Variants in RBM33 observed in about 807,000 individuals in gnomAD.
RBM33 encodes the protein RNA binding motif protein 33, also known as RNA-binding protein 33.
In RBM33, 28 loss-of-function variants were observed where a neutral mutation model predicts 132.6. That is an observed-to-expected ratio of 0.21 (90% CI 0.16 to 0.29). RBM33 has a LOEUF of 0.29. Ranked by LOEUF, RBM33 falls within the 10% of genes least tolerant of loss-of-function variation. The pLI is 1.00. For missense variants in RBM33, 1,291 were observed against 1,518.5 expected (o/e 0.85, Z 2.49); for synonymous variants, 634 against 593.0 (o/e 1.07, Z -1.01).
intron 5 of RBM33, among the ~76,000 whole-genome samples, chr7:155,683,907 G>T (rs755739146): frequency 6.6e-6 from 1 of 152,188 alleles, no homozygotes; most frequent in Non-Finnish European, 1.5e-5. Flanking sequence ...GAATCCAGGG[G>T]TGTGGACTGT....
intron 4 of RBM33, among the ~76,000 whole-genome samples, chr7:155,679,773 T>C (rs1799287235): frequency 6.6e-6 from 1 of 152,220 alleles, no homozygotes; most frequent in African/African-American, 2.4e-5. Flanking sequence ...AAATACATCA[T>C]TGAAGTTTTT....
In RBM33 at chr7:155,764,001, A is replaced by G. The variant is rs375649945; in HGVS notation, c.3169A>G (p.Ile1057Val). 35 of 1,554,696 alleles carry G rather than the reference A, an allele frequency of 2.3e-5. No individual in the cohort carries two copies. The highest frequency in any genetic ancestry group is 3.0e-5 in the Non-Finnish European group (35 of 1,150,112). The change falls in exon 15 of 18, where the codon ATT (isoleucine) becomes GTT (valine). Residue 1057 changes from isoleucine to valine, a missense_variant. Transcript: ENST00000401878. ...VPPGIKSIQGIHPAKKAIMHG... is the reference protein window; with the variant it reads ...VPPGIKSIQGVHPAKKAIMHG... ...TCCAGGGATCAAAAGCATCCAAGGAATTCACCCGGCGAAGAAGGTACTGCT... is the reference window on the plus strand; with the variant it reads ...TCCAGGGATCAAAAGCATCCAAGGAGTTCACCCGGCGAAGAAGGTACTGCT...
chr7:155,761,951 T>G (rs1802050348), intron 14 of RBM33, among the ~76,000 whole-genome samples: 1 of 152,232 alleles, frequency 6.6e-6, no homozygotes, highest in Non-Finnish European at 1.5e-5. Flanking sequence ...TATTTTTGTT[T>G]CCATTCAGTT....
chr7:155,699,630 G>C (rs976480086), intron 5 of RBM33, among the ~76,000 whole-genome samples: 5 of 152,156 alleles, frequency 3.3e-5, no homozygotes, highest in Non-Finnish European at 7.4e-5. Flanking sequence ...CAGGCTTAAG[G>C]TGAAAGTTGT....
At chr7:155,758,521 C>T (rs933742897) in intron 14 of RBM33, among the ~76,000 whole-genome samples, 1 of 152,184 alleles carries the variant, frequency 6.6e-6, no homozygotes, top group African/African-American at 2.4e-5. Flanking sequence ...CGACAGGAGG[C>T]GGAGCTTAGG....
Position 155,766,513 on chromosome 7 carries a change from G to C in RBM33, c.3233G>C (p.Arg1078Pro). The C allele has an allele frequency of 6.2e-7, 1 of 1,613,318 alleles. No homozygotes were observed. ...RGRGVAGPMG[R>P]GRLMPNKQNL... is the part of the protein sequence containing the mutation. Reference sequence around the variant, plus strand: ...AGAGGAGTGGCCGGTCCCATGGGCCGGGGGCGCCTGATGCCAAACAAGCAG... The same window carrying C: ...AGAGGAGTGGCCGGTCCCATGGGCCCGGGGCGCCTGATGCCAAACAAGCAG... The change falls in exon 16 of 18, where the codon CGG becomes CCG. Residue 1078 changes from arginine to proline, a missense_variant. Coordinates refer to ENST00000401878, the MANE Select transcript of RBM33 (RefSeq NM_053043.3).
intron 1 of RBM33, among the ~76,000 whole-genome samples, chr7:155,646,372 A>G (rs1798193621): frequency 6.6e-6 from 1 of 152,170 alleles, no homozygotes; most frequent in South Asian, 2.1e-4. Context: ...AAGTTTTGAG[A>G]ATTGCTATTT....
chr7:155,731,250 T>C (rs4361653), intron 9 of RBM33, among the ~76,000 whole-genome samples: 36,947 of 152,094 alleles, frequency 0.24, 4,781 homozygotes, highest in African/African-American at 0.33. Flanking sequence ...TTATAAAGAG[T>C]CCTGCTGCAG....
chr7:155,759,723 T>TTC (rs1176403536), intron 14 of RBM33, among the ~76,000 whole-genome samples: 2 of 152,212 alleles, frequency 1.3e-5, no homozygotes, highest in Non-Finnish European at 2.9e-5. Flanking sequence ...TGTTATGTGT[T>TTC]TATCACCCAA....
In RBM33 at chr7:155,738,253, A is replaced by C. The variant is rs371919096; in HGVS notation, c.1587A>C (p.Arg529=). ...TGTTCCCAAGAGAGCGGCCCGTACGACCAGCCTTGCAGCCTCCAGGTCCGG... is the reference window on the plus strand; with the variant it reads ...TGTTCCCAAGAGAGCGGCCCGTACGCCCAGCCTTGCAGCCTCCAGGTCCGG... ...QPVFPRERPV[R]PALQPPGPVG... The change falls in exon 11 of 18, where the codon CGA becomes CGC. Residue 529 remains arginine, a synonymous_variant. Coordinates refer to ENST00000401878, the MANE Select transcript of RBM33 (RefSeq NM_053043.3). The C allele has an allele frequency of 9.9e-6, 16 of 1,613,836 alleles. No individual in the cohort carries two copies. The African/African-American group carries it at 1.7e-4, about 18-fold the overall frequency.
intron 1 of RBM33, among the ~76,000 whole-genome samples, chr7:155,655,992 T>TG (rs1798482338): frequency 6.6e-6 from 1 of 152,168 alleles, no homozygotes; most frequent in African/African-American, 2.4e-5. Context: ...AAAGGACAAT[T>TG]GACAGACTGT....
At chr7:155,730,778 C>CG (rs1353234869) in intron 9 of RBM33, among the ~76,000 whole-genome samples, 1 of 152,128 alleles carries the variant, frequency 6.6e-6, no homozygotes, top group Non-Finnish European at 1.5e-5. Context: ...GGCTTTGTTA[C>CG]GTACCAGTAA....
intron 16 of RBM33, among the ~76,000 whole-genome samples, chr7:155,768,052 C>T (rs1802283229): frequency 1.3e-5 from 2 of 152,222 alleles, no homozygotes; most frequent in African/African-American, 4.8e-5. Context: ...GCCCAGTGTC[C>T]TGCTGGTCCT....
At chr7:155,740,642 CAA>C (rs1563170220) in intron 12 of RBM33, among the ~76,000 whole-genome samples, 1 of 152,214 alleles carries the variant, frequency 6.6e-6, no homozygotes, top group Non-Finnish European at 1.5e-5. Flanking sequence ...AACTGGGAAA[CAA>C]TGTATTGCTC....
Position 155,764,019 on chromosome 7 carries a change from G to T in RBM33, c.3186+1G>T. 6.5e-7 allele frequency: 1 copy of T among 1,527,700 alleles called. No individual in the cohort carries two copies. Among genetic ancestry groups the T allele is most frequent in the Non-Finnish European group, 8.8e-7 (1 of 1,136,108 alleles). 94.6% of individuals were successfully genotyped at this position (1,527,700 alleles called of 1,614,324 possible). A position where few individuals can be genotyped will look rare whatever the true frequency, so the allele number is the denominator to read the frequency against. The stretch of plus-strand genomic sequence containing the variant: ...CCAAGGAATTCACCCGGCGAAGAAG[G>T]TACTGCTTGTTGCCTCGCACGCAGC... On this transcript the variant is annotated splice_donor_variant, in intron 15 of 17. Transcript: ENST00000401878. LOFTEE classifies it high-confidence loss of function.
At chr7:155,677,671 A>G (rs1408862476) in intron 3 of RBM33, among the ~76,000 whole-genome samples, 1 of 152,170 alleles carries the variant, frequency 6.6e-6, no homozygotes, top group African/African-American at 2.4e-5. Flanking sequence ...AAGTGCTAAT[A>G]AGATTATTTT....
rs773823774 is a variant in RBM33, at chr7:155,745,246, C to A, written c.2623C>A (p.Leu875Ile). 1 of 1,612,742 alleles carries A rather than the reference C, an allele frequency of 6.2e-7. No homozygotes were observed. The highest frequency in any genetic ancestry group is 8.5e-7 in the Non-Finnish European group (1 of 1,179,316). The change falls in exon 14 of 18, where the codon CTT (leucine) becomes ATT (isoleucine). Residue 875 changes from leucine (L) to isoleucine (I), a missense_variant. By Grantham distance (5) the Leu-to-Ile change is conservative. This residue lies in a region of RBM33 where 841 missense variants were observed against 912.0 expected (regional missense o/e 0.92). Coordinates refer to ENST00000401878, the MANE Select transcript of RBM33 (RefSeq NM_053043.3). The surrounding 1 kb of genome is among the most constrained non-coding windows in gnomAD (Gnocchi z 4.1). ...QVRQNVKNRL[L>I]VKNQDVSISN... ...CAGACAAAATGTGAAGAACAGACTT[C>A]TTGTTAAAAACCAGGATGTCAGTAT...
chr7:155,734,689 G>A (rs538218103), intron 9 of RBM33, among the ~76,000 whole-genome samples: 3 of 151,942 alleles, frequency 2.0e-5, no homozygotes, highest in African/African-American at 4.8e-5. Flanking sequence ...AACCCCTCCC[G>A]TGTGCCTCCT....
intron 5 of RBM33, among the ~76,000 whole-genome samples, chr7:155,683,043 G>C (rs1490402327): frequency 6.6e-6 from 1 of 151,576 alleles, no homozygotes; most frequent in African/African-American, 2.4e-5. Flanking sequence ...GAAGTGTTCT[G>C]ATGTTTTCAC....
Sources: allele counts gnomAD v4.1 joint callset (sites outside exome capture counted in the v4.1 genomes callset), GRCh38; gene constraint gnomAD v4.1.1; regional missense constraint gnomAD v4.1.1; non-coding constraint Gnocchi (gnomAD v3.1); transcripts MANE v1.5; gene names NCBI Gene and HGNC (gene_info 2026-07-23, HGNC 2026-07-21).